The following GPC3 variants were observed in gnomAD, a reference collection of about 807,000 sequenced individuals.
GPC3 encodes the protein glypican-3.
A neutral mutation model predicts 34.4 loss-of-function variants in GPC3; 3 were observed. The observed-to-expected ratio is 0.09, with a 90% CI of 0.04 to 0.23. The LOEUF is 0.23. GPC3 is among the 10% of genes least tolerant of loss of function. GPC3 has a pLI of 1.00. For missense variants in GPC3, 351 were observed against 445.6 expected (o/e 0.79, Z 1.91); for synonymous variants, 177 against 174.0 (o/e 1.02, Z -0.13).
intron 3 of GPC3, among the ~76,000 whole-genome samples, chrX:133,723,127 C>T (rs1462982011): frequency 9.0e-6 from 1 of 111,571 alleles, no homozygotes; most frequent in Non-Finnish European, 1.9e-5. Context: ...TGTGATTTCC[C>T]CCCTAGTATT....
intron 3 of GPC3, among the ~76,000 whole-genome samples, chrX:133,703,726 C>T (rs1662567058): frequency 8.9e-6 from 1 of 112,039 alleles, no homozygotes; most frequent in East Asian, 2.8e-4. Flanking sequence ...TCCCAAAGTG[C>T]TGGGATTACA....
At chrX:133,776,878 C>CTTTTTTTTTTTTTT (rs10633635) in intron 2 of GPC3, among the ~76,000 whole-genome samples, 2 of 79,628 alleles carry the variant, frequency 2.5e-5, no homozygotes, top group Admixed American at 1.8e-4. Flanking sequence ...CCTTTCTTTT[C>CTTTTTTTTTTTTTT]TTTTTTTTTT....
In GPC3 at chrX:133,731,180, G is replaced by A. The variant is rs2071459567; in HGVS notation, c.1032+22302C>T. On this transcript the variant is annotated intron_variant, in intron 3 of 7. Transcript: ENST00000370818. ...GATGTTTTGAAGAACAGACCATTAA[G>A]GGAAGCTTGTAATTTCAGAGGATAC... Among the ~76,000 whole-genome samples the A allele has an allele frequency of 3.6e-5, 4 of 112,349 alleles. No individual in the cohort carries two copies. In the Admixed American group the frequency reaches 3.7e-4, roughly 11 times the overall value.
At chrX:133,810,857 G>T (rs1249676981) in intron 2 of GPC3, among the ~76,000 whole-genome samples, 1 of 57,807 alleles carries the variant, frequency 1.7e-5, no homozygotes, top group Non-Finnish European at 3.5e-5. Flanking sequence ...GCAAGACTCC[G>T]TCTCAAAAAA....
chrX:133,954,738 CTT>C (rs1166218378), intron 1 of GPC3, among the ~76,000 whole-genome samples: 39 of 53,761 alleles, frequency 7.3e-4, no homozygotes, highest in African/African-American at 2.8e-3. Flanking sequence ...CAAACTTTCT[CTT>C]TTTTTTTTTT....
intron 5 of GPC3, among the ~76,000 whole-genome samples, chrX:133,683,494 C>T (rs959520125): frequency 8.9e-6 from 1 of 111,861 alleles, no homozygotes; most frequent in Non-Finnish European, 1.9e-5. Flanking sequence ...CTGGGACCTG[C>T]TTTGGAGGCC....
Position 133,544,201 on chromosome X carries a change from A to AC in GPC3, c.1574-7909dup, listed in dbSNP as rs748758437. Reference sequence around the variant, plus strand: ...AGCTGTGATTGTGCCACTGCACTACACCCTGGGTGATAGAGTAAGACCCTG... The same window carrying AC: ...AGCTGTGATTGTGCCACTGCACTACACCCCTGGGTGATAGAGTAAGACCCTG... On this transcript the variant is annotated intron_variant, in intron 7 of 7. Transcript: ENST00000370818. Among the ~76,000 whole-genome samples the AC allele has an allele frequency of 6.3e-5, 7 of 111,785 alleles. No homozygotes were observed. In the East Asian group the frequency reaches 2.0e-3, roughly 32 times the overall value.
At chrX:133,779,661 T>C (rs2072025688) in intron 2 of GPC3, among the ~76,000 whole-genome samples, 1 of 111,982 alleles carries the variant, frequency 8.9e-6, no homozygotes. Context: ...TTCCATTGTG[T>C]TAATATATAA....
intron 2 of GPC3, among the ~76,000 whole-genome samples, chrX:133,815,974 A>C (rs2075689575): frequency 9.0e-6 from 1 of 111,571 alleles, no homozygotes; most frequent in South Asian, 3.8e-4. Flanking sequence ...GGCACATTAC[A>C]CCACTGACCA....
chrX:133,820,107 C>G lies in GPC3; in HGVS notation c.338-65931G>C, dbSNP rs371422780. On this transcript the variant is annotated intron_variant, in intron 2 of 7. Transcript: ENST00000370818. ...GAGGAAGCCAATAATAACTTAGATG[C>G]CTGGTCAGGAAATGCTTAGAAACCA... Among the ~76,000 whole-genome samples the G allele has an allele frequency of 4.5e-5, 5 of 111,612 alleles. No individual in the cohort carries two copies. The East Asian group carries it at 8.5e-4, about 19-fold the overall frequency.
chrX:133,550,700 C>T (rs1037933818), intron 7 of GPC3, among the ~76,000 whole-genome samples: 9 of 112,052 alleles, frequency 8.0e-5, no homozygotes, highest in Non-Finnish European at 1.7e-4. Flanking sequence ...CCTTACAAGA[C>T]ACCCTTCCCA....
At chrX:133,894,578 G>A (rs1245707978) in intron 2 of GPC3, among the ~76,000 whole-genome samples, 1 of 112,094 alleles carries the variant, frequency 8.9e-6, no homozygotes, top group East Asian at 2.8e-4. Flanking sequence ...GGTGGCTCAC[G>A]CCTGTGGTCC....
intron 6 of GPC3, among the ~76,000 whole-genome samples, chrX:133,630,421 A>C (rs779207784): frequency 1.8e-5 from 2 of 111,974 alleles, no homozygotes; most frequent in Non-Finnish European, 3.8e-5. Context: ...GAAGATATTC[A>C]ACCTAGAGAA....
intron 2 of GPC3, among the ~76,000 whole-genome samples, chrX:133,914,061 G>A (rs1472837680): frequency 1.8e-5 from 2 of 110,916 alleles, no homozygotes; most frequent in African/African-American, 6.6e-5. Flanking sequence ...AAAAAAGCTG[G>A]TAGGGCCCAC....
intron 3 of GPC3, among the ~76,000 whole-genome samples, chrX:133,742,312 C>T (rs1355354173): frequency 9.0e-6 from 1 of 111,673 alleles, no homozygotes; most frequent in Non-Finnish European, 1.9e-5. Flanking sequence ...GGAACTCATT[C>T]ACAAACACCA....
chrX:133,594,527 TACTC>T (rs1342551101), intron 7 of GPC3, among the ~76,000 whole-genome samples: 4 of 112,191 alleles, frequency 3.6e-5, no homozygotes, highest in Non-Finnish European at 7.5e-5. Context: ...AATGGAATAT[TACTC>T]AGTCTTAAAA....
At chrX:133,741,910 C>T (rs1027145190) in intron 3 of GPC3, among the ~76,000 whole-genome samples, 2 of 113,003 alleles carry the variant, frequency 1.8e-5, no homozygotes, top group Non-Finnish European at 3.7e-5. Context: ...AATGAATGTT[C>T]TTTATAACTT....
chrX:133,673,431 T>C (rs139765693), intron 5 of GPC3, among the ~76,000 whole-genome samples: 6 of 111,697 alleles, frequency 5.4e-5, no homozygotes, highest in African/African-American at 1.3e-4. Flanking sequence ...CTCCCCCAAA[T>C]AGAATAGCAA....
At chrX:133,717,799 GA>G (rs1404979677) in intron 3 of GPC3, among the ~76,000 whole-genome samples, 1 of 110,668 alleles carries the variant, frequency 9.0e-6, no homozygotes, top group Non-Finnish European at 1.9e-5. Flanking sequence ...GCACTGAAAG[GA>G]AAAAAACATC....
Sources: gnomAD v4.1 joint callset for allele counts (sites outside exome capture counted in the v4.1 genomes callset) on GRCh38, gnomAD v4.1.1 for gene constraint, MANE v1.5 for transcripts, NCBI Gene and HGNC (gene_info 2026-07-23, HGNC 2026-07-21) for gene names.